The following RACGAP1 variants were observed in gnomAD, a reference collection of about 807,000 sequenced individuals.
The protein encoded by RACGAP1 is rac GTPase-activating protein 1.
In RACGAP1, 30 loss-of-function variants were observed where a neutral mutation model predicts 78.1. The observed-to-expected ratio is 0.38, with a 90% CI of 0.29 to 0.52. RACGAP1 has a LOEUF of 0.52. RACGAP1 is among the 20% of genes least tolerant of loss of function. The probability of loss-of-function intolerance (pLI) is 0.82; values close to 1 mark genes in which losing one functional copy is unlikely to be tolerated. For missense variants in RACGAP1, 587 were observed against 777.1 expected (o/e 0.76, Z 2.91); for synonymous variants, 231 against 264.8 (o/e 0.87, Z 1.24).
upstream of RACGAP1, chr12:50,025,677 T>TG: frequency 2.5e-6 from 1 of 405,626 alleles, no homozygotes; most frequent in Non-Finnish European, 3.3e-6. Context: ...TTGTTTTTTT[T>TG]TGCGGTGCCC....
Position 49,992,343 on chromosome 12 carries a change from C to T in RACGAP1, c.1480G>A (p.Ala494Thr), listed in dbSNP as rs141625269. The change falls in exon 14 of 17, where the codon GCC (alanine) becomes ACC (threonine). Residue 494 changes from alanine to threonine, a missense_variant. Physicochemically the swap from Ala to Thr is moderately conservative, Grantham distance 58. Coordinates refer to ENST00000312377, the MANE Select transcript of RACGAP1 (RefSeq NM_001319999.2). ...AQSPHTKMDVANLAKVFGPTI... is the reference protein window; with the variant it reads ...AQSPHTKMDVTNLAKVFGPTI... ...GGGCCAAAGACTTTAGCCAGATTGG[C>T]AACATCCATTTTAGTATGTGGACTC... 2.5e-5 allele frequency: 41 copies of T among 1,614,182 alleles called. No homozygotes were observed. The African/African-American group carries it at 4.8e-4, about 19-fold the overall frequency.
In RACGAP1 at chr12:49,997,398, C is replaced by T. The variant is rs113112566; in HGVS notation, c.880-194G>A. On this transcript the variant is annotated intron_variant, in intron 9 of 16. Transcript: ENST00000312377. The stretch of plus-strand genomic sequence containing the variant: ...CAAGCGATTCTCCTGTCTCAGCCTC[C>T]CGAGTAACTGGGATTACAGGTGCCC... 0.072 allele frequency among the ~76,000 whole-genome samples: 10,878 copies of T among 151,584 alleles called. 1,305 individuals are homozygous for T. Among genetic ancestry groups the T allele is most frequent in the African/African-American group, 0.25 (10,268 of 41,160 alleles).
chr12:49,993,417 G>T (rs138611553), intron 12 of RACGAP1, among the ~76,000 whole-genome samples: 1 of 152,062 alleles, frequency 6.6e-6, no homozygotes, highest in African/African-American at 2.4e-5. Context: ...AGGGTGACAC[G>T]CATACAGTTA....
At position 50,004,304 on chromosome 12, in the gene RACGAP1, T is replaced by C; in HGVS notation, c.426A>G (p.Arg142=). 6.3e-7 allele frequency: 1 copy of C among 1,594,054 alleles called. No individual in the cohort carries two copies. Among genetic ancestry groups the C allele is most frequent in the Non-Finnish European group, 8.6e-7 (1 of 1,164,722 alleles). Residue 142 remains arginine (R), a splice_region_variant and synonymous_variant, in exon 5 of 17, where the codon AGA becomes AGG. Transcript: ENST00000312377. ...QPSSSNAGNK[R]LSTIDESGSI... Reference sequence around the variant, plus strand: ...AACCAGATTCATCAATGGTTGATAGTCTAGATCAGTGAAACAATACAACGT... The same window carrying C: ...AACCAGATTCATCAATGGTTGATAGCCTAGATCAGTGAAACAATACAACGT...
intron 1 of RACGAP1, among the ~76,000 whole-genome samples, chr12:50,022,025 G>A (rs1471610624): frequency 6.6e-6 from 1 of 152,156 alleles, no homozygotes; most frequent in African/African-American, 2.4e-5. Flanking sequence ...AATCCAACAT[G>A]AAGACTAAAA....
At position 50,006,653 on chromosome 12, in the gene RACGAP1, T is replaced by C; in HGVS notation, c.86-17A>G. ...GGATAAATTCTGAGGAAAGGGGGAA[T>C]CTTTAATAATTCAAGCACCAAACAG... On this transcript the variant is annotated splice_polypyrimidine_tract_variant and intron_variant, in intron 2 of 16. Coordinates refer to ENST00000312377, the MANE Select transcript of RACGAP1 (RefSeq NM_001319999.2). 7 of 1,610,432 alleles carry C rather than the reference T, an allele frequency of 4.3e-6. No homozygotes were observed. The highest frequency in any genetic ancestry group is 5.9e-6 in the Non-Finnish European group (7 of 1,177,846).
Position 50,002,534 on chromosome 12 carries a change from A to G in RACGAP1, c.496-234T>C, listed in dbSNP as rs1948743487. On this transcript the variant is annotated intron_variant, in intron 5 of 16. Coordinates refer to ENST00000312377, the MANE Select transcript of RACGAP1 (RefSeq NM_001319999.2). The stretch of plus-strand genomic sequence containing the variant: ...TATAATAAAATCAGGAATCAATACC[A>G]CAGAGGCAAGAAGAGGTTAAAGAAT... 7.9e-6 allele frequency: 3 copies of G among 379,966 alleles called. No homozygotes were observed. The South Asian group carries it at 1.8e-4, about 22-fold the overall frequency. The allele number at this position is 379,966 out of a possible 1,614,324, so 23.5% of individuals were successfully genotyped here. A position where few individuals can be genotyped will look rare whatever the true frequency, so the allele number is the denominator to read the frequency against.
In RACGAP1 at chr12:50,002,227, A is replaced by T; in HGVS notation, c.549+20T>A. 6.2e-7 allele frequency: 1 copy of T among 1,608,314 alleles called. No homozygotes were observed. The highest frequency in any genetic ancestry group is 8.5e-7 in the Non-Finnish European group (1 of 1,176,586). ...CATTATTACTTTGTTTTAAAAAAAG[A>T]CTAAACAAATCATACATACCCTCTT... On this transcript the variant is annotated intron_variant, in intron 6 of 16. Transcript: ENST00000312377.
chr12:50,015,473 T>C (rs1949603670), intron 2 of RACGAP1, among the ~76,000 whole-genome samples: 2 of 152,090 alleles, frequency 1.3e-5, no homozygotes, highest in African/African-American at 2.4e-5. Flanking sequence ...AGTTGGACAC[T>C]AGCCTGGGTA....
At chr12:49,997,857 C>T (rs1207476848) in intron 9 of RACGAP1, among the ~76,000 whole-genome samples, 2 of 152,036 alleles carry the variant, frequency 1.3e-5, no homozygotes, top group African/African-American at 2.4e-5. Context: ...GGATTACAGG[C>T]GTGAGCCACT....
Position 49,994,415 on chromosome 12 carries a change from T to C in RACGAP1, c.1139A>G (p.Glu380Gly). 6.2e-7 allele frequency: 1 copy of C among 1,613,838 alleles called. No individual in the cohort carries two copies. ...CCATCTCCTACAGTTGACTCTTACC[T>C]CAGTCAGACCTCTTTGCTCAATCTC... ...VNEIEQRGLT[E>G]TGLYRISGCD... is the part of the protein sequence containing the mutation. Residue 380 changes from glutamate (E) to glycine (G), a missense_variant and splice_region_variant, in exon 11 of 17, where the codon GAG (glutamate) becomes GGG (glycine). Glu to Gly is a moderately conservative substitution (Grantham distance 98). Coordinates refer to ENST00000312377, the MANE Select transcript of RACGAP1 (RefSeq NM_001319999.2).
At chr12:49,991,624 G>C (rs1421789876) in intron 15 of RACGAP1, among the ~76,000 whole-genome samples, 2 of 149,400 alleles carry the variant, frequency 1.3e-5, no homozygotes, top group Non-Finnish European at 3.0e-5. Context: ...TGGTAGCTGG[G>C]ATTACAGGCA....
At chr12:50,008,169 G>GA (rs71441313) in intron 2 of RACGAP1, among the ~76,000 whole-genome samples, 14,403 of 60,306 alleles carry the variant, frequency 0.24, 1,850 homozygotes, top group East Asian at 0.38. Flanking sequence ...TGAGAAATGT[G>GA]AAAAAAAAAA....
intron 2 of RACGAP1, among the ~76,000 whole-genome samples, chr12:50,007,533 C>T (rs554884038): frequency 6.6e-6 from 1 of 152,352 alleles, no homozygotes; most frequent in African/African-American, 2.4e-5. Context: ...ACATCTGCTG[C>T]TGGTCAAACT....
intron 1 of RACGAP1, among the ~76,000 whole-genome samples, chr12:50,022,671 T>C (rs1340407463): frequency 6.6e-6 from 1 of 152,226 alleles, no homozygotes; most frequent in Non-Finnish European, 1.5e-5. Flanking sequence ...CCATCTGATC[T>C]AATCTTTGCC....
intron 2 of RACGAP1, among the ~76,000 whole-genome samples, chr12:50,012,154 T>C (rs1475727057): frequency 1.3e-5 from 2 of 151,664 alleles, no homozygotes; most frequent in Non-Finnish European, 2.9e-5. Flanking sequence ...AGGCTGAGCA[T>C]GGTGGTTCAC....
intron 15 of RACGAP1, among the ~76,000 whole-genome samples, chr12:49,991,194 A>G (rs992827355): frequency 1.3e-5 from 2 of 152,084 alleles, no homozygotes; most frequent in Admixed American, 6.6e-5. Context: ...GCAAAAGCCT[A>G]TAAGAAATTT....
At chr12:50,001,826 G>A (rs1948693043) in intron 6 of RACGAP1, among the ~76,000 whole-genome samples, 2 of 152,160 alleles carry the variant, frequency 1.3e-5, no homozygotes, top group Admixed American at 6.5e-5. Flanking sequence ...AGCACTTTGG[G>A]AGGCCGAGGC....
In RACGAP1 at chr12:49,989,669, A is replaced by G. The variant is rs1413975734; in HGVS notation, c.*599T>C. 1 of 152,252 alleles carries G rather than the reference A, an allele frequency of 6.6e-6. No individual in the cohort carries two copies. Among genetic ancestry groups the G allele is most frequent in the Non-Finnish European group, 1.5e-5 (1 of 68,068 alleles). The allele number at this position is 152,252 out of a possible 1,614,324, so 9.4% of individuals were successfully genotyped here. A position where few individuals can be genotyped will look rare whatever the true frequency, so the allele number is the denominator to read the frequency against. ...CACTATTAAAGACCTAATCATCCAAATCAAAGCTACGCATACTCCCATCAC... is the reference window on the plus strand; with the variant it reads ...CACTATTAAAGACCTAATCATCCAAGTCAAAGCTACGCATACTCCCATCAC... On this transcript the variant is annotated 3_prime_UTR_variant, in exon 17 of 17. Transcript: ENST00000312377.
Sources: gnomAD v4.1 joint callset for allele counts (sites outside exome capture counted in the v4.1 genomes callset) on GRCh38, gnomAD v4.1.1 for gene constraint, MANE v1.5 for transcripts, NCBI Gene and HGNC (gene_info 2026-07-23, HGNC 2026-07-21) for gene names.